RNF103: variants seen among roughly 807,000 people sequenced by gnomAD.
RNF103 encodes ring finger protein 103.
RNF103 carries 23 observed loss-of-function variants against 66.2 expected under a neutral mutation model. The ratio of observed to expected loss-of-function variants is 0.35; its 90% CI spans 0.25 to 0.49. RNF103 has a LOEUF of 0.49. Ranked by LOEUF, RNF103 falls within the 20% of genes least tolerant of loss-of-function variation. RNF103 has a pLI of 0.98. For missense variants in RNF103, 730 were observed against 814.7 expected, an observed-to-expected ratio of 0.90 and a Z score of 1.27; for synonymous variants, 297 against 289.9, an observed-to-expected ratio of 1.02 and a Z score of -0.25.
chr2:86,608,578 T>C (rs930547996), intron 3 of RNF103, among the ~76,000 whole-genome samples: 2 of 151,828 alleles, frequency 1.3e-5, no homozygotes, highest in African/African-American at 4.8e-5. Context: ...GACAAGGTCA[T>C]TGGCCTCCTT....
chr2:86,606,927 C>G (rs575893148), intron 3 of RNF103, among the ~76,000 whole-genome samples: 1 of 152,074 alleles, frequency 6.6e-6, no homozygotes, highest in Admixed American at 6.5e-5. Context: ...CACATATGCA[C>G]GCCACCATGC....
At chr2:86,618,005 T>G (rs1242076787) in intron 2 of RNF103, 1 of 461,860 alleles carries the variant, frequency 2.2e-6, no homozygotes, top group Admixed American at 2.4e-5. Context: ...ATGCAAACCT[T>G]GAGCATCACT....
rs1419950657 is a variant in RNF103 at position 86,605,316 on chromosome 2, G to A, written c.585C>T (p.Arg195=). The part of the protein sequence containing the change: ...GKVMLKEYSG[R]KIEVEHIFKW... ...TAAAAATGTGCTCTACTTCAATCTT[G>A]CGTCCACTGTATTCTTTAAGCATGA... The change falls in exon 4 of 4, where the codon CGC becomes CGT. Residue 195 remains arginine (R), a synonymous_variant. Coordinates refer to ENST00000237455, the MANE Select transcript of RNF103 (RefSeq NM_005667.4). 8.7e-6 allele frequency: 14 copies of A among 1,613,992 alleles called. No homozygotes were observed. Among genetic ancestry groups the A allele is most frequent in the Admixed American group, 1.7e-5 (1 of 59,988 alleles).
chr2:86,620,217 T>C, intron 2 of RNF103, 113 bp downstream of exon 2: 2 of 1,286,848 alleles, frequency 1.6e-6, no homozygotes, highest in Non-Finnish European at 2.0e-6. Flanking sequence ...CTGAGTTATG[T>C]GTGAGAAACA....
chr2:86,620,575 C>T (rs1679193471), intron 1 of RNF103, 106 bp from the exon 2 acceptor site: 1 of 1,315,962 alleles, frequency 7.6e-7, no homozygotes, highest in Admixed American at 2.8e-5. Context: ...ATTGTACTTT[C>T]ATTGTATTTT....
At chr2:86,606,925 C>T (rs1252297333) in intron 3 of RNF103, among the ~76,000 whole-genome samples, 1 of 151,956 alleles carries the variant, frequency 6.6e-6, no homozygotes, top group African/African-American at 2.4e-5. Flanking sequence ...ACCACATATG[C>T]ACGCCACCAT....
chr2:86,618,837 T>C (rs1050985391), intron 2 of RNF103: 2 of 152,184 alleles, frequency 1.3e-5, no homozygotes, highest in African/African-American at 4.8e-5. Context: ...AATATACTTA[T>C]ACATTAAAGC....
In RNF103 at chr2:86,604,757, A is replaced by C; in HGVS notation, c.1144T>G (p.Tyr382Asp). The change falls in exon 4 of 4, where the codon TAC (tyrosine) becomes GAC (aspartate). Residue 382 changes from tyrosine to aspartate, a missense_variant. This residue lies in a region of RNF103 where 48 missense variants were observed against 93.0 expected (regional missense o/e 0.52). Transcript: ENST00000237455. Reference protein sequence around the residue: ...LPVLGFLQLPYLDSFYEYSLK... With the variant: ...LPVLGFLQLPDLDSFYEYSLK... Reference sequence around the variant, plus strand: ...CTATATTCATAAAAGCTATCTAAGTAAGGTAGCTGTAAAAAGCCCAACACA... The same window carrying C: ...CTATATTCATAAAAGCTATCTAAGTCAGGTAGCTGTAAAAAGCCCAACACA... The C allele has an allele frequency of 6.2e-7, 1 of 1,613,994 alleles. No homozygotes were observed.
chr2:86,617,729 A>G, intron 2 of RNF103: 2 of 1,004,884 alleles, frequency 2.0e-6, no homozygotes, highest in Non-Finnish European at 2.4e-6. Context: ...AAGAATGGCA[A>G]GCAATGGAGA....
In RNF103 at chr2:86,622,983, G is replaced by A; in HGVS notation, c.-97C>T. 2 of 1,429,372 alleles carry A rather than the reference G, an allele frequency of 1.4e-6. No individual in the cohort carries two copies. Among genetic ancestry groups the A allele is most frequent in the African/African-American group, 1.5e-5 (1 of 66,928 alleles). 88.5% of individuals were successfully genotyped at this position (1,429,372 alleles called of 1,614,324 possible). ...CGGCTCGGTGGCAGCTTGGGCGAGG[G>A]CCCCGTGTCCACGCGCGGGCCACCC... is the stretch of plus-strand genomic sequence containing the variant. On this transcript the variant is annotated 5_prime_UTR_variant, in exon 1 of 4. Transcript: ENST00000237455.
At chr2:86,614,641 A>T in intron 2 of RNF103, 1 of 506,094 alleles carries the variant, frequency 2.0e-6, no homozygotes, top group Non-Finnish European at 2.5e-6. Context: ...CTAGAAAATT[A>T]GGAAGATCAA....
Position 86,623,292 on chromosome 2 carries a change from G to T in RNF103, c.-406C>A. The T allele has an allele frequency of 1.0e-6, 1 of 992,240 alleles. No homozygotes were observed. Among genetic ancestry groups the T allele is most frequent in the South Asian group, 4.6e-5 (1 of 21,922 alleles). The allele number at this position is 992,240 out of a possible 1,614,324, so 61.5% of individuals were successfully genotyped here. On this transcript the variant is annotated 5_prime_UTR_variant, in exon 1 of 4. Transcript: ENST00000237455. Reference sequence around the variant, plus strand: ...CGGCCCTCCGGTGCCGCGATCTCAAGGGGGAGGGGGAGACCAAAAAATAAC... The same window carrying T: ...CGGCCCTCCGGTGCCGCGATCTCAATGGGGAGGGGGAGACCAAAAAATAAC...
Position 86,623,235 on chromosome 2 carries a change from C to T in RNF103, c.-349G>A. 9.9e-7 allele frequency: 1 copy of T among 1,009,906 alleles called. No individual in the cohort carries two copies. Among genetic ancestry groups the T allele is most frequent in the Non-Finnish European group, 1.2e-6 (1 of 847,618 alleles). The allele number at this position is 1,009,906 out of a possible 1,614,324, so 62.6% of individuals were successfully genotyped here. A position where few individuals can be genotyped will look rare whatever the true frequency, so the allele number is the denominator to read the frequency against. Reference sequence around the variant, plus strand: ...GAAGAACAAAACGAGGGACGCTTCCCCCGGGGCGGGCACTGACCCAGGTGG... The same window carrying T: ...GAAGAACAAAACGAGGGACGCTTCCTCCGGGGCGGGCACTGACCCAGGTGG... On this transcript the variant is annotated 5_prime_UTR_variant, in exon 1 of 4. Coordinates refer to ENST00000237455, the MANE Select transcript of RNF103 (RefSeq NM_005667.4).
intron 2 of RNF103, chr2:86,616,972 G>C: frequency 1.0e-6 from 1 of 985,276 alleles, no homozygotes. Context: ...TGAAGACTGG[G>C]GCCAAAGAAT....
rs928572339 is a variant in RNF103, at chr2:86,620,259, G to C, written c.366+71C>G. The C allele has an allele frequency of 2.0e-6, 3 of 1,487,326 alleles. No individual in the cohort carries two copies. The African/African-American group carries it at 4.1e-5, about 20-fold the overall frequency. 92.1% of individuals were successfully genotyped at this position (1,487,326 alleles called of 1,614,324 possible). ...AAGGACACGGAAGTGTCACTGGCTG[G>C]TACATACTATTTTGGTAAAAATAAT... is the stretch of plus-strand genomic sequence containing the variant. On this transcript the variant is annotated intron_variant, in intron 2 of 3. Coordinates refer to ENST00000237455, the MANE Select transcript of RNF103 (RefSeq NM_005667.4).
At position 86,614,779 on chromosome 2, in the gene RNF103, C is replaced by G. The variant is rs375343931; in HGVS notation, c.367-2505G>C. ...CAAGTTTAACTTATTTTTCAGATTC[C>G]TTAGGAAGATTAAGAAGTATCTGTG... On this transcript the variant is annotated intron_variant, in intron 2 of 3. Transcript: ENST00000237455. 13 of 978,694 alleles carry G rather than the reference C, an allele frequency of 1.3e-5. No homozygotes were observed. The African/African-American group carries it at 1.6e-4, about 12-fold the overall frequency. The allele number at this position is 978,694 out of a possible 1,614,324, so 60.6% of individuals were successfully genotyped here.
At chr2:86,606,518 C>T (rs1678558816) in intron 3 of RNF103, among the ~76,000 whole-genome samples, 2 of 151,946 alleles carry the variant, frequency 1.3e-5, no homozygotes, top group Admixed American at 1.3e-4. Flanking sequence ...TAAAAATTAG[C>T]TGGGCATGGC....
Position 86,622,874 on chromosome 2 carries a change from G to C in RNF103, c.13C>G (p.Leu5Val), listed in dbSNP as rs1442706053. The C allele has an allele frequency of 6.2e-7, 1 of 1,606,636 alleles. No homozygotes were observed. The highest frequency in any genetic ancestry group is 2.2e-5 in the East Asian group (1 of 44,458). The stretch of plus-strand genomic sequence containing the variant: ...AGGAAATAGAGGAGCAAGAAAAAAA[G>C]CTTCAGCCACATCTTCCCTGGAGTT... MWLK[L>V]FFLLLYFLVL... is the part of the protein sequence containing the mutation. The change falls in exon 1 of 4, where the codon CTT (leucine) becomes GTT (valine). Residue 5 changes from leucine (L) to valine (V), a missense_variant. Physicochemically the swap from Leu to Val is conservative, Grantham distance 32. Transcript: ENST00000237455.
rs1445627604 is a variant in RNF103 at position 86,603,659 on chromosome 2, A to G, written c.*184T>C. ...TTGTAAATAAAAAAATTTTACAATT[A>G]GGTATGCATTCAATTAACACACAAG... is the stretch of plus-strand genomic sequence containing the variant. On this transcript the variant is annotated 3_prime_UTR_variant, in exon 4 of 4. Coordinates refer to ENST00000237455, the MANE Select transcript of RNF103 (RefSeq NM_005667.4). 1 of 732,576 alleles carries G rather than the reference A, an allele frequency of 1.4e-6. No homozygotes were observed. Among genetic ancestry groups the G allele is most frequent in the Non-Finnish European group, 2.0e-6 (1 of 490,012 alleles). The allele number at this position is 732,576 out of a possible 1,614,324, so 45.4% of individuals were successfully genotyped here. A position where few individuals can be genotyped will look rare whatever the true frequency, so the allele number is the denominator to read the frequency against.
Sources: gnomAD v4.1 joint callset for allele counts (sites outside exome capture counted in the v4.1 genomes callset) on GRCh38, gnomAD v4.1.1 for gene constraint, gnomAD v4.1.1 regional missense constraint, MANE v1.5 for transcripts, NCBI Gene and HGNC (gene_info 2026-07-23, HGNC 2026-07-21) for gene names.